Variants in PDK1 observed in about 807,000 individuals in gnomAD.
The protein encoded by PDK1 is [Pyruvate dehydrogenase (acetyl-transferring)] kinase isozyme 1, mitochondrial.
In PDK1, 39 loss-of-function variants were observed where a neutral mutation model predicts 54.2. The observed-to-expected ratio is 0.72, with a 90% CI of 0.56 to 0.94. The LOEUF (loss-of-function observed/expected upper bound fraction) is 0.94, where lower values mean the gene tolerates loss of function less well. Among genes scored for constraint, PDK1 ranks in the 40% least tolerant of loss-of-function variants. PDK1 has a pLI of 0.00. For missense variants in PDK1, 552 were observed against 566.0 expected (o/e 0.98, Z 0.25); for synonymous variants, 221 against 207.1 (o/e 1.07, Z -0.58).
At chr2:172,620,906 G>A in the PDK1 span, among the ~76,000 whole-genome samples, 1 of 152,100 alleles carries the variant, frequency 6.6e-6, no homozygotes, top group East Asian at 1.9e-4. Context: ...AGAAACTACC[G>A]AGTCTAGTTA....
chr2:172,635,121 TTGTC>T, the PDK1 span, among the ~76,000 whole-genome samples: 26 of 152,204 alleles, frequency 1.7e-4, no homozygotes, highest in South Asian at 4.1e-4. Flanking sequence ...AATCTAGTAT[TTGTC>T]TGAACACTTA....
the PDK1 span, among the ~76,000 whole-genome samples, chr2:172,681,498 G>C: frequency 6.6e-6 from 1 of 152,184 alleles, no homozygotes; most frequent in African/African-American, 2.4e-5. Flanking sequence ...CGTGCATTGA[G>C]TACTTCTCTC....
chr2:172,676,934 T>C, the PDK1 span, among the ~76,000 whole-genome samples: 1 of 152,144 alleles, frequency 6.6e-6, no homozygotes, highest in Non-Finnish European at 1.5e-5. Context: ...CAGCCACCAA[T>C]ATTGAGGCAA....
rs1159484297 is a variant in PDK1, at chr2:172,606,898, C to A, written c.*10929C>A. 1 of 152,036 alleles carries A rather than the reference C, an allele frequency of 6.6e-6. No individual in the cohort carries two copies. The highest frequency in any genetic ancestry group is 6.6e-5 in the Admixed American group (1 of 15,254). 9.4% of individuals were successfully genotyped at this position (152,036 alleles called of 1,614,324 possible). On this transcript the variant is annotated 3_prime_UTR_variant, in exon 11 of 11. Coordinates refer to ENST00000282077, the MANE Select transcript of PDK1 (RefSeq NM_002610.5). Reference sequence around the variant, plus strand: ...ATCACCCTAAAAGGAAACCTTGCACCCATTAAACAGTGGTAGTTTCTCTAT... The same window carrying A: ...ATCACCCTAAAAGGAAACCTTGCACACATTAAACAGTGGTAGTTTCTCTAT...
the PDK1 span, among the ~76,000 whole-genome samples, chr2:172,685,232 G>A: frequency 2.6e-5 from 4 of 152,170 alleles, no homozygotes; most frequent in Non-Finnish European, 5.9e-5. Flanking sequence ...ACTCACCTAA[G>A]CCACTCCAAT....
the PDK1 span, among the ~76,000 whole-genome samples, chr2:172,628,086 A>T: frequency 6.6e-6 from 1 of 152,228 alleles, no homozygotes; most frequent in East Asian, 1.9e-4. Flanking sequence ...GCTTCAAGAT[A>T]TCCTGCAGTT....
the PDK1 span, among the ~76,000 whole-genome samples, chr2:172,614,990 C>G: frequency 0.2 from 30,649 of 152,076 alleles, 3,538 homozygotes; most frequent in African/African-American, 0.3. Context: ...CTATTGTGTA[C>G]TAATACTGTT....
the PDK1 span, among the ~76,000 whole-genome samples, chr2:172,670,084 G>T: frequency 6.6e-6 from 1 of 152,038 alleles, no homozygotes; most frequent in Non-Finnish European, 1.5e-5. Flanking sequence ...ACAGGGTCTT[G>T]CTCTCTCAAC....
At chr2:172,629,380 A>G in the PDK1 span, among the ~76,000 whole-genome samples, 1 of 152,156 alleles carries the variant, frequency 6.6e-6, no homozygotes, top group Non-Finnish European at 1.5e-5. Context: ...GTGGAGTGGC[A>G]GAGCGGCAGA....
At chr2:172,633,381 CTTTTTTTTTTT>C in the PDK1 span, among the ~76,000 whole-genome samples, 6 of 103,980 alleles carry the variant, frequency 5.8e-5, no homozygotes, top group Non-Finnish European at 9.5e-5. Context: ...GATTTTCTTT[CTTTTTTTTTTT>C]TTTTTTTTTT....
At position 172,596,000 on chromosome 2, in the gene PDK1, T is replaced by G; in HGVS notation, c.*31T>G. The G allele has an allele frequency of 6.3e-7, 1 of 1,575,546 alleles. No homozygotes were observed. Among genetic ancestry groups the G allele is most frequent in the Non-Finnish European group, 8.6e-7 (1 of 1,156,280 alleles). ...CTTGGGACATCGGAAAATCCAAATG[T>G]GGCTTTTGTATTAAATTTGGAAGGT... On this transcript the variant is annotated 3_prime_UTR_variant, in exon 11 of 11. Transcript: ENST00000282077.
chr2:172,697,998 G>GC, the PDK1 span, among the ~76,000 whole-genome samples: 6 of 152,100 alleles, frequency 3.9e-5, no homozygotes, highest in South Asian at 2.1e-4. Context: ...CCAAATGTCA[G>GC]CATTTGTTTA....
intron 10 of PDK1, among the ~76,000 whole-genome samples, chr2:172,594,934 A>G (rs1438355525): frequency 6.6e-6 from 1 of 152,214 alleles, no homozygotes; most frequent in East Asian, 1.9e-4. Flanking sequence ...TGATGCAGAA[A>G]TCTTGTGCAC....
At chr2:172,692,974 C>T in the PDK1 span, among the ~76,000 whole-genome samples, 3 of 152,234 alleles carry the variant, frequency 2.0e-5, no homozygotes, top group Admixed American at 2.0e-4. Context: ...AAAGCATCCA[C>T]AGTAATCACT....
rs1329875865 is a variant in PDK1 at position 172,595,897 on chromosome 2, C to A, written c.1239C>A (p.Thr413=). The change falls in exon 11 of 11, where the codon ACC becomes ACA. Residue 413 remains threonine, a synonymous_variant. Transcript: ENST00000282077. ...AAGCTGCCTGGAAGCATTACAACAC[C>A]AACCACGAGGCTGATGACTGGTGCG... ...YNKAAWKHYN[T]NHEADDWCVP... The A allele has an allele frequency of 6.2e-7, 1 of 1,613,632 alleles. No homozygotes were observed. Among genetic ancestry groups the A allele is most frequent in the African/African-American group, 1.3e-5 (1 of 74,880 alleles).
chr2:172,648,898 C>G, the PDK1 span, among the ~76,000 whole-genome samples: 1 of 152,232 alleles, frequency 6.6e-6, no homozygotes, highest in African/African-American at 2.4e-5. Context: ...TAGACTCCAC[C>G]TCTGGGGGCA....
At chr2:172,626,528 T>A in the PDK1 span, among the ~76,000 whole-genome samples, 1 of 152,210 alleles carries the variant, frequency 6.6e-6, no homozygotes, top group African/African-American at 2.4e-5. Context: ...GCACAGTGGC[T>A]CACACCTGTA....
the PDK1 span, among the ~76,000 whole-genome samples, chr2:172,622,169 A>T: frequency 6.8e-6 from 1 of 146,608 alleles, no homozygotes; most frequent in Admixed American, 6.8e-5. Flanking sequence ...ATTATGTGAG[A>T]TATGTTTATA....
intron 9 of PDK1, among the ~76,000 whole-genome samples, chr2:172,589,810 A>G (rs1690472104): frequency 6.6e-6 from 1 of 152,194 alleles, no homozygotes; most frequent in Non-Finnish European, 1.5e-5. Flanking sequence ...CCATTTTCCC[A>G]TTTATCCAGA....
Sources: allele counts gnomAD v4.1 joint callset (sites outside exome capture counted in the v4.1 genomes callset), GRCh38; gene constraint gnomAD v4.1.1; transcripts MANE v1.5; gene names NCBI Gene and HGNC (gene_info 2026-07-23, HGNC 2026-07-21).